ADAMTSL1: variants seen among roughly 807,000 people sequenced by gnomAD.
ADAMTSL1 encodes ADAMTS-like protein 1.
A neutral mutation model predicts 201.8 loss-of-function variants in ADAMTSL1; 126 were observed. The ratio of observed to expected loss-of-function variants is 0.62; its 90% CI spans 0.54 to 0.72. ADAMTSL1 has a LOEUF of 0.72. Among genes scored for constraint, ADAMTSL1 ranks in the 30% least tolerant of loss-of-function variants. The pLI is 0.00. For missense variants in ADAMTSL1, 2,679 were observed against 2,277.8 expected (o/e 1.18, Z -3.59); for synonymous variants, 1,121 against 903.4 (o/e 1.24, Z -4.32).
intron 1 of ADAMTSL1, among the ~76,000 whole-genome samples, chr9:18,073,134 C>T (rs183547124): frequency 1.5e-4 from 23 of 152,300 alleles, no homozygotes; most frequent in Non-Finnish European, 2.2e-4. Context: ...AGGCCTGCCA[C>T]GTGTTTTCTC....
chr9:18,370,665 A>G (rs1337471401), intron 2 of ADAMTSL1, among the ~76,000 whole-genome samples: 2 of 151,046 alleles, frequency 1.3e-5, no homozygotes, highest in South Asian at 2.1e-4. Context: ...TATTTCATAC[A>G]TAAATAAGGT....
At chr9:18,301,481 T>C (rs1264973397) in intron 2 of ADAMTSL1, among the ~76,000 whole-genome samples, 1 of 152,212 alleles carries the variant, frequency 6.6e-6, no homozygotes, top group Non-Finnish European at 1.5e-5. Flanking sequence ...TTCCCACTTT[T>C]ACATGCCTAA....
At chr9:18,823,497 C>T (rs1446703092) in intron 21 of ADAMTSL1, among the ~76,000 whole-genome samples, 1 of 152,086 alleles carries the variant, frequency 6.6e-6, no homozygotes, top group East Asian at 1.9e-4. Flanking sequence ...AGAAATAGCT[C>T]CCAGGTCTGC....
intron 2 of ADAMTSL1, among the ~76,000 whole-genome samples, chr9:18,187,528 AAAAG>A (rs1447872108): frequency 6.6e-6 from 1 of 152,100 alleles, no homozygotes; most frequent in African/African-American, 2.4e-5. Flanking sequence ...TTTTGGAATA[AAAAG>A]AAAGAAAAAA....
intron 2 of ADAMTSL1, among the ~76,000 whole-genome samples, chr9:18,527,214 A>G (rs919694876): frequency 2.0e-5 from 3 of 152,200 alleles, no homozygotes; most frequent in African/African-American, 7.2e-5. Flanking sequence ...AAAGCTAGTG[A>G]TATTCAGGGA....
chr9:18,635,017 T>C (rs1827022518), intron 5 of ADAMTSL1, among the ~76,000 whole-genome samples: 2 of 148,052 alleles, frequency 1.4e-5, no homozygotes, highest in South Asian at 4.3e-4. Flanking sequence ...TCTTCTGAAG[T>C]GCCTTTCTAT....
chr9:18,063,994 C>T (rs1822581723), intron 1 of ADAMTSL1, among the ~76,000 whole-genome samples: 1 of 152,124 alleles, frequency 6.6e-6, no homozygotes, highest in East Asian at 1.9e-4. Flanking sequence ...CTTCTCTCCC[C>T]TCATTCATGG....
At chr9:18,357,846 A>G (rs1836322288) in intron 2 of ADAMTSL1, among the ~76,000 whole-genome samples, 1 of 152,164 alleles carries the variant, frequency 6.6e-6, no homozygotes, top group Admixed American at 6.5e-5. Flanking sequence ...CTAGAATGAT[A>G]CTGCTATCGT....
chr9:18,241,041 T>G (rs1262892273), intron 2 of ADAMTSL1, among the ~76,000 whole-genome samples: 6 of 152,338 alleles, frequency 3.9e-5, no homozygotes, highest in African/African-American at 1.2e-4. Context: ...CCACTAAAAC[T>G]TTCCATATCG....
intron 13 of ADAMTSL1, among the ~76,000 whole-genome samples, chr9:18,690,668 G>C (rs570550546): frequency 2.8e-4 from 42 of 152,300 alleles, no homozygotes; most frequent in African/African-American, 9.4e-4. Flanking sequence ...TAAGATTAAA[G>C]AGCACTTAAT....
At chr9:18,901,694 T>G (rs572808695) in intron 26 of ADAMTSL1, among the ~76,000 whole-genome samples, 86 of 152,142 alleles carry the variant, frequency 5.7e-4, no homozygotes, top group Admixed American at 9.2e-4. Flanking sequence ...GCAAAATTTG[T>G]CACTATAAAA....
In ADAMTSL1 at chr9:17,945,015, A is replaced by T. The variant is rs867024828; in HGVS notation, c.87+38093A>T. On this transcript the variant is annotated intron_variant, in intron 1 of 29. Coordinates refer to the ADAMTSL1 transcript ENST00000680146. ...CTGCACAGCAAAAGAAACTACCATC[A>T]GAGTGAACAGGCAACCTACAGAATC... Among the ~76,000 whole-genome samples, 5 of 15,432 alleles carry T rather than the reference A, an allele frequency of 3.2e-4. 2 individuals carry two copies. The highest frequency in any genetic ancestry group is 7.5e-4 in the Non-Finnish European group (5 of 6,652). 10.1% of individuals were successfully genotyped at this position (15,432 alleles called of 152,430 possible).
chr9:18,304,647 A>G (rs1489413834), intron 2 of ADAMTSL1, among the ~76,000 whole-genome samples: 1 of 147,818 alleles, frequency 6.8e-6, no homozygotes, highest in African/African-American at 2.6e-5. Flanking sequence ...AAGGGCCTAA[A>G]CTTTTTTTTT....
intron 25 of ADAMTSL1, chr9:18,890,432 G>A (rs1287382251): frequency 2.2e-6 from 1 of 447,934 alleles, no homozygotes; most frequent in East Asian, 7.0e-5. Flanking sequence ...GATGGGCTTG[G>A]AGTTGGCACT....
intron 1 of ADAMTSL1, among the ~76,000 whole-genome samples, chr9:17,989,607 A>T (rs1185147143): frequency 1.3e-5 from 2 of 152,036 alleles, no homozygotes; most frequent in Non-Finnish European, 2.9e-5. Flanking sequence ...ATAATTTTGC[A>T]TTAGTGGACA....
intron 2 of ADAMTSL1, among the ~76,000 whole-genome samples, chr9:18,184,961 T>A (rs1828667427): frequency 6.6e-6 from 1 of 152,174 alleles, no homozygotes; most frequent in Non-Finnish European, 1.5e-5. Context: ...ACTAAGCAGG[T>A]TGATTAATTG....
intron 2 of ADAMTSL1, among the ~76,000 whole-genome samples, chr9:18,348,994 A>G (rs546341424): frequency 1.3e-5 from 2 of 152,298 alleles, no homozygotes; most frequent in East Asian, 1.9e-4. Context: ...AAGTACTACT[A>G]TTGTACCTAT....
intron 23 of ADAMTSL1, among the ~76,000 whole-genome samples, chr9:18,876,041 C>T (rs1187857713): frequency 6.6e-6 from 1 of 152,094 alleles, no homozygotes; most frequent in African/African-American, 2.4e-5. Context: ...TCTGTTTTGT[C>T]TGGTATAAGA....
At chr9:18,400,184 T>C (rs531061589) in intron 2 of ADAMTSL1, among the ~76,000 whole-genome samples, 2 of 152,192 alleles carry the variant, frequency 1.3e-5, no homozygotes, top group African/African-American at 4.8e-5. Flanking sequence ...AGTATAATAA[T>C]AATAAAAAAG....
Sources: gnomAD v4.1 joint callset for allele counts (sites outside exome capture counted in the v4.1 genomes callset) on GRCh38, gnomAD v4.1.1 for gene constraint, MANE v1.5 for transcripts, NCBI Gene and HGNC (gene_info 2026-07-23, HGNC 2026-07-21) for gene names.